The following RPGRIP1 variants were observed in gnomAD, a reference collection of about 807,000 sequenced individuals.
RPGRIP1 encodes X-linked retinitis pigmentosa GTPase regulator-interacting protein 1.
RPGRIP1 carries 128 observed loss-of-function variants against 157.9 expected under a neutral mutation model. The observed-to-expected ratio is 0.81, with a 90% CI of 0.70 to 0.94. RPGRIP1 has a LOEUF of 0.94. Ranked by LOEUF, RPGRIP1 falls within the 40% of genes least tolerant of loss-of-function variation. The pLI, the probability that RPGRIP1 is intolerant of heterozygous loss-of-function variation, is 0.00. For synonymous variants in RPGRIP1, 554 were observed against 571.6 expected (o/e 0.97, Z 0.44); for missense variants, 1,486 against 1,545.8 (o/e 0.96, Z 0.65).
chr14:21,333,461 A>G (rs1398652543), intron 20 of RPGRIP1, among the ~76,000 whole-genome samples: 1 of 152,202 alleles, frequency 6.6e-6, no homozygotes, highest in Non-Finnish European at 1.5e-5. Context: ...ATCTAATGCT[A>G]TGTAACAATC....
chr14:21,324,683 C>T lies in RPGRIP1; in HGVS notation c.1828C>T (p.His610Tyr). 1 of 1,614,010 alleles carries T rather than the reference C, an allele frequency of 6.2e-7. No homozygotes were observed. The highest frequency in any genetic ancestry group is 8.5e-7 in the Non-Finnish European group (1 of 1,179,894). The change falls in exon 15 of 25, where the codon CAT (histidine) becomes TAT (tyrosine). Residue 610 changes from histidine to tyrosine, a missense_variant. Physicochemically the swap from His to Tyr is moderately conservative, Grantham distance 83. Coordinates refer to ENST00000400017, the MANE Select transcript of RPGRIP1 (RefSeq NM_020366.4). ...GTTATGTTTGGAAACACTGCCAGCC[C>T]ATGGAGATGAGGATAAAGTGGATAT... is the stretch of plus-strand genomic sequence containing the variant. ...LSLCLETLPAHGDEDKVDISL... is the reference protein window; with the variant it reads ...LSLCLETLPAYGDEDKVDISL...
intron 2 of RPGRIP1, among the ~76,000 whole-genome samples, chr14:21,291,754 G>A (rs930365059): frequency 6.6e-6 from 1 of 151,654 alleles, no homozygotes; most frequent in Non-Finnish European, 1.5e-5. Context: ...GATAATTTTT[G>A]TTTTCTGTTT....
intron 3 of RPGRIP1, among the ~76,000 whole-genome samples, chr14:21,299,111 A>G (rs1880919288): frequency 6.6e-6 from 1 of 151,160 alleles, no homozygotes; most frequent in South Asian, 2.1e-4. Context: ...CGCCTCTCAG[A>G]TTCAAGCGAT....
At position 21,307,714 on chromosome 14, in the gene RPGRIP1, A is replaced by G; in HGVS notation, c.801-17A>G. 1 of 1,454,972 alleles carries G rather than the reference A, an allele frequency of 6.9e-7. No homozygotes were observed. The highest frequency in any genetic ancestry group is 9.5e-7 in the Non-Finnish European group (1 of 1,057,952). The allele number at this position is 1,454,972 out of a possible 1,614,324, so 90.1% of individuals were successfully genotyped here. ...TATCCATGTTCAGACAGAATAATTT[A>G]GCGCCTTTCTCTGCAGAGCTTCCAT... On this transcript the variant is annotated splice_polypyrimidine_tract_variant and intron_variant, in intron 6 of 24. Transcript: ENST00000400017.
At chr14:21,321,826 G>C in intron 13 of RPGRIP1, 28 bp from the exon 14 acceptor site, 1 of 1,604,202 alleles carries the variant, frequency 6.2e-7, no homozygotes, top group Non-Finnish European at 8.5e-7. Context: ...CACTGAGATA[G>C]AAAAGTTCAG....
At position 21,280,129 on chromosome 14, in the gene RPGRIP1, T is replaced by G. The variant is rs1880072959; in HGVS notation, c.-69T>G. Among the ~76,000 whole-genome samples, 1 of 152,142 alleles carries G rather than the reference T, an allele frequency of 6.6e-6. No individual in the cohort carries two copies. The highest frequency in any genetic ancestry group is 2.4e-5 in the African/African-American group (1 of 41,434). On this transcript the variant is annotated 5_prime_UTR_variant, in exon 1 of 25. The change creates a new upstream start codon in the 5' untranslated region. Coordinates refer to ENST00000400017, the MANE Select transcript of RPGRIP1 (RefSeq NM_020366.4). ...CACCAGAACATTGAGAGAAAAGAAT[T>G]AGCGACAGCTATCTGGAGCAAGCAA...
At chr14:21,338,183 C>T (rs577704950) in intron 21 of RPGRIP1, among the ~76,000 whole-genome samples, 32 of 152,176 alleles carry the variant, frequency 2.1e-4, no homozygotes, top group East Asian at 1.7e-3. Flanking sequence ...CCCAAAGTGC[C>T]GGGATTACAG....
At chr14:21,346,735 C>T (rs1227794524) in intron 23 of RPGRIP1, among the ~76,000 whole-genome samples, 1 of 152,160 alleles carries the variant, frequency 6.6e-6, no homozygotes, top group Non-Finnish European at 1.5e-5. Flanking sequence ...CAGGATCTCA[C>T]TATGTTGCCC....
intron 2 of RPGRIP1, among the ~76,000 whole-genome samples, chr14:21,290,691 C>T (rs185459371): frequency 6.6e-6 from 1 of 152,036 alleles, no homozygotes; most frequent in African/African-American, 2.4e-5. Context: ...TGGTGGCGGG[C>T]GCCTGTATTC....
chr14:21,318,667 G>C (rs184247101), intron 11 of RPGRIP1, among the ~76,000 whole-genome samples: 3 of 151,166 alleles, frequency 2.0e-5, no homozygotes, highest in Non-Finnish European at 4.4e-5. Flanking sequence ...TAGTAGAGAC[G>C]AGGGTTCACT....
intron 9 of RPGRIP1, 62 bp downstream of exon 9, chr14:21,312,032 A>T (rs752527850): frequency 6.2e-6 from 9 of 1,458,048 alleles, no homozygotes; most frequent in Non-Finnish European, 8.5e-6. Flanking sequence ...TAGAATGTGT[A>T]TCTTAGCAAC....
At chr14:21,310,116 G>A (rs1266294631) in intron 7 of RPGRIP1, among the ~76,000 whole-genome samples, 1 of 53,750 alleles carries the variant, frequency 1.9e-5, no homozygotes, top group Admixed American at 1.8e-4. Flanking sequence ...TCTCATATTT[G>A]CTACAAGGAT....
intron 17 of RPGRIP1, among the ~76,000 whole-genome samples, chr14:21,326,890 A>G (rs769883682): frequency 2.6e-5 from 4 of 151,884 alleles, no homozygotes; most frequent in African/African-American, 7.3e-5. Flanking sequence ...TTTCCTCCCA[A>G]TGTGGAGCTG....
chr14:21,301,725 A>AAT (rs59227988), intron 4 of RPGRIP1, among the ~76,000 whole-genome samples: 18,276 of 86,920 alleles, frequency 0.21, 1,387 homozygotes, highest in South Asian at 0.24. Flanking sequence ...ATAATAATAA[A>AAT]AAATTAGCCA....
At chr14:21,283,312 T>C (rs1392350650) in intron 1 of RPGRIP1, among the ~76,000 whole-genome samples, 1 of 152,106 alleles carries the variant, frequency 6.6e-6, no homozygotes, top group Non-Finnish European at 1.5e-5. Context: ...TTTATTATTA[T>C]TATTTTTTGA....
chr14:21,335,115 A>G (rs1884207433), intron 21 of RPGRIP1, among the ~76,000 whole-genome samples: 1 of 152,002 alleles, frequency 6.6e-6, no homozygotes, highest in South Asian at 2.1e-4. Flanking sequence ...GTGAAGGGCA[A>G]TCCAGTTTTA....
intron 6 of RPGRIP1, among the ~76,000 whole-genome samples, chr14:21,307,381 A>G (rs1881361723): frequency 6.6e-6 from 1 of 152,250 alleles, no homozygotes; most frequent in African/African-American, 2.4e-5. Flanking sequence ...GTTTTCTAGC[A>G]CGTTCAAACC....
intron 24 of RPGRIP1, among the ~76,000 whole-genome samples, chr14:21,348,731 TCTC>T (rs1470408748): frequency 2.7e-5 from 4 of 149,502 alleles, no homozygotes; most frequent in East Asian, 2.0e-4. Context: ...AGTGGTGTGA[TCTC>T]AGCTCACTGC....
At position 21,303,409 on chromosome 14, in the gene RPGRIP1, CAG is replaced by C. The variant is rs1397280821; in HGVS notation, c.667_668del (p.Ser223CysfsTer19). ...AACCCATTGGTCTATGCATGCCTAA[CAG>C]TGCCCACATCATGGCCAGCAATACC... ...AKPIGLCMPN[S>X]AHIMASNTMQ... On this transcript the variant is annotated frameshift_variant, in exon 6 of 25. Coordinates refer to ENST00000400017, the MANE Select transcript of RPGRIP1 (RefSeq NM_020366.4). LOFTEE classifies it high-confidence loss of function. 1 of 1,613,690 alleles carries C rather than the reference CAG, an allele frequency of 6.2e-7. No homozygotes were observed. The highest frequency in any genetic ancestry group is 8.5e-7 in the Non-Finnish European group (1 of 1,179,782).
Sources: gnomAD v4.1 joint callset for allele counts (sites outside exome capture counted in the v4.1 genomes callset) on GRCh38, gnomAD v4.1.1 for gene constraint, MANE v1.5 for transcripts, NCBI Gene and HGNC (gene_info 2026-07-23, HGNC 2026-07-21) for gene names.